The following CACNA2D3 variants were observed in gnomAD, a reference collection of about 807,000 sequenced individuals.
CACNA2D3 encodes the protein voltage-dependent calcium channel subunit alpha-2/delta-3.
In CACNA2D3, 60 loss-of-function variants were observed where a neutral mutation model predicts 160.6. The observed-to-expected ratio is 0.37, with a 90% CI of 0.30 to 0.46. CACNA2D3 has a LOEUF of 0.46. Ranked by LOEUF, CACNA2D3 falls within the 20% of genes least tolerant of loss-of-function variation. The pLI, the probability that CACNA2D3 is intolerant of heterozygous loss-of-function variation, is 1.00. For missense variants in CACNA2D3, 1,205 were observed against 1,365.0 expected (o/e 0.88, Z 1.85); for synonymous variants, 558 against 492.9 (o/e 1.13, Z -1.75).
intron 31 of CACNA2D3, among the ~76,000 whole-genome samples, chr3:55,000,277 A>T (rs1702951922): frequency 6.6e-6 from 1 of 152,230 alleles, no homozygotes; most frequent in Admixed American, 6.5e-5. Flanking sequence ...CAAAAAGGGT[A>T]ATAATCTGGA....
intron 2 of CACNA2D3, among the ~76,000 whole-genome samples, chr3:54,254,488 G>C (rs763011018): frequency 6.6e-6 from 1 of 152,166 alleles, no homozygotes; most frequent in African/African-American, 2.4e-5. Context: ...TAGCTTCTTT[G>C]TGGTTATGTT....
At chr3:54,691,304 C>T (rs1437100027) in intron 11 of CACNA2D3, among the ~76,000 whole-genome samples, 3 of 152,202 alleles carry the variant, frequency 2.0e-5, no homozygotes, top group African/African-American at 7.2e-5. Flanking sequence ...GCTCCCCTCC[C>T]CAAGATATTC....
At chr3:54,603,727 G>A (rs1265924519) in intron 9 of CACNA2D3, among the ~76,000 whole-genome samples, 4 of 152,140 alleles carry the variant, frequency 2.6e-5, no homozygotes, top group African/African-American at 7.2e-5. Flanking sequence ...TAAAAAGCCC[G>A]ACAATTTCTT....
intron 35 of CACNA2D3, among the ~76,000 whole-genome samples, chr3:55,033,843 A>G (rs1703750554): frequency 1.8e-5 from 2 of 111,494 alleles, no homozygotes; most frequent in South Asian, 4.7e-4. Context: ...TATAATATAT[A>G]TTACATATTA....
intron 14 of CACNA2D3, among the ~76,000 whole-genome samples, chr3:54,832,011 T>TCATACACACAACACACA (rs373556430): frequency 8.4e-6 from 1 of 118,862 alleles, no homozygotes; most frequent in African/African-American, 3.3e-5. Flanking sequence ...CTCTTCTCTG[T>TCATACACACAACACACA]CACACACACA....
chr3:54,811,591 A>G (rs1326223960), intron 13 of CACNA2D3, among the ~76,000 whole-genome samples: 1 of 147,488 alleles, frequency 6.8e-6, no homozygotes, highest in South Asian at 2.2e-4. Flanking sequence ...TCCGCCTCCC[A>G]GGTACAAGCG....
chr3:54,965,492 C>T (rs1432075214), intron 27 of CACNA2D3, among the ~76,000 whole-genome samples: 1 of 152,198 alleles, frequency 6.6e-6, no homozygotes, highest in Non-Finnish European at 1.5e-5. Context: ...AAGTCAGCCC[C>T]ATTCTCTGCA....
chr3:54,808,769 C>T (rs564291188), intron 13 of CACNA2D3, among the ~76,000 whole-genome samples: 1 of 152,146 alleles, frequency 6.6e-6, no homozygotes, highest in South Asian at 2.1e-4. Flanking sequence ...CTTGCTCAGA[C>T]CCTATCATTT....
chr3:54,535,201 C>G (rs961172391), intron 5 of CACNA2D3, among the ~76,000 whole-genome samples: 4 of 152,216 alleles, frequency 2.6e-5, no homozygotes, highest in Non-Finnish European at 2.9e-5. Flanking sequence ...ATGAAAAATT[C>G]TGGGTCCTCC....
At chr3:54,942,343 G>A (rs985608533) in intron 27 of CACNA2D3, among the ~76,000 whole-genome samples, 1 of 152,194 alleles carries the variant, frequency 6.6e-6, no homozygotes, top group African/African-American at 2.4e-5. Context: ...CTCTCCCCCT[G>A]AGTTCTGCCA....
intron 3 of CACNA2D3, among the ~76,000 whole-genome samples, chr3:54,328,723 G>C (rs1348089830): frequency 6.6e-6 from 1 of 152,198 alleles, no homozygotes; most frequent in Non-Finnish European, 1.5e-5. Context: ...TGGCCCAGGT[G>C]CTGATCCCCA....
rs140843185 is a variant in CACNA2D3, at chr3:54,218,738, A to G, written c.204+95144A>G. Reference sequence around the variant, plus strand: ...ATACAAGGACTAAAATCAAAATGTCAGCAGATCTCTGTTCCTTCTGGAGGC... The same window carrying G: ...ATACAAGGACTAAAATCAAAATGTCGGCAGATCTCTGTTCCTTCTGGAGGC... On this transcript the variant is annotated intron_variant, in intron 2 of 37. Transcript: ENST00000474759. Among the ~76,000 whole-genome samples, 4 of 152,314 alleles carry G rather than the reference A, an allele frequency of 2.6e-5. No individual in the cohort carries two copies. The East Asian group carries it at 5.8e-4, about 22-fold the overall frequency.
chr3:54,268,106 G>A (rs922576350), intron 2 of CACNA2D3, among the ~76,000 whole-genome samples: 3 of 152,088 alleles, frequency 2.0e-5, no homozygotes, highest in African/African-American at 7.2e-5. Flanking sequence ...TTGGCAATTG[G>A]GAATATTAAT....
intron 13 of CACNA2D3, among the ~76,000 whole-genome samples, chr3:54,807,101 C>G (rs1000917239): frequency 2.6e-5 from 4 of 152,108 alleles, no homozygotes; most frequent in African/African-American, 7.2e-5. Flanking sequence ...CATAAAAACC[C>G]TAGAAGAAAA....
chr3:54,393,625 C>G (rs577847107), intron 4 of CACNA2D3, among the ~76,000 whole-genome samples: 132 of 152,346 alleles, frequency 8.7e-4, no homozygotes, highest in Non-Finnish European at 1.4e-3. Flanking sequence ...ACCCTGCATC[C>G]TGGGGAATTG....
In CACNA2D3 at chr3:54,953,724, G is replaced by C. The variant is rs144712912; in HGVS notation, c.2450-14726G>C. ...TTTCCCCCTTGCCTGTGAACGCTTG[G>C]GGCAACCTCGGGCTCCTGCCTCTGC... On this transcript the variant is annotated intron_variant, in intron 27 of 37. Transcript: ENST00000474759. 1.3e-3 allele frequency among the ~76,000 whole-genome samples: 194 copies of C among 152,266 alleles called. 1 individual carries two copies. The highest frequency in any genetic ancestry group is 2.3e-3 in the Non-Finnish European group (156 of 68,024).
At chr3:54,625,105 T>C (rs1438820325) in intron 9 of CACNA2D3, among the ~76,000 whole-genome samples, 1 of 152,192 alleles carries the variant, frequency 6.6e-6, no homozygotes, top group Admixed American at 6.5e-5. Flanking sequence ...CTCCTGGCCC[T>C]GAGACTGCCT....
At chr3:55,006,145 AGG>A (rs1194685069) in intron 32 of CACNA2D3, among the ~76,000 whole-genome samples, 7 of 152,344 alleles carry the variant, frequency 4.6e-5, no homozygotes, top group African/African-American at 1.7e-4. Flanking sequence ...CAGACATTAA[AGG>A]TTCCCAAGAT....
At chr3:54,252,497 A>G (rs774224994) in intron 2 of CACNA2D3, among the ~76,000 whole-genome samples, 4 of 152,106 alleles carry the variant, frequency 2.6e-5, no homozygotes, top group Non-Finnish European at 5.9e-5. Flanking sequence ...GACTTCTGTA[A>G]AGACTTCAAC....
Sources: allele counts gnomAD v4.1 joint callset (sites outside exome capture counted in the v4.1 genomes callset), GRCh38; gene constraint gnomAD v4.1.1; transcripts MANE v1.5; gene names NCBI Gene and HGNC (gene_info 2026-07-23, HGNC 2026-07-21).